Variants in STK39 observed in about 807,000 individuals in gnomAD.
The protein encoded by STK39 is STE20/SPS1-related proline-alanine-rich protein kinase.
Under a neutral mutation model 77.8 loss-of-function variants are expected in STK39, and 20 were observed. The ratio of observed to expected loss-of-function variants is 0.26; its 90% CI spans 0.18 to 0.37. The LOEUF (loss-of-function observed/expected upper bound fraction) is 0.37. Among genes scored for constraint, STK39 ranks in the 10% least tolerant of loss-of-function variants. The probability of loss-of-function intolerance (pLI) is 1.00; values close to 1 mark genes in which losing one functional copy is unlikely to be tolerated. For missense variants in STK39, 479 were observed against 656.5 expected (o/e 0.73, Z 2.95); for synonymous variants, 246 against 234.1 (o/e 1.05, Z -0.47).
intron 14 of STK39, among the ~76,000 whole-genome samples, chr2:168,027,247 G>C (rs1237783852): frequency 6.6e-6 from 1 of 151,992 alleles, no homozygotes; most frequent in African/African-American, 2.4e-5. Flanking sequence ...AGCCACCATG[G>C]GCCATATGCT....
At chr2:167,968,411 C>T (rs916381166) in intron 16 of STK39, among the ~76,000 whole-genome samples, 12 of 152,188 alleles carry the variant, frequency 7.9e-5, no homozygotes, top group African/African-American at 1.9e-4. Context: ...TTACAGTCTA[C>T]GTCTATATTC....
chr2:168,013,235 AT>A (rs565282303), intron 15 of STK39, among the ~76,000 whole-genome samples: 8 of 152,258 alleles, frequency 5.3e-5, no homozygotes, highest in Non-Finnish European at 1.0e-4. Flanking sequence ...GACACTGATC[AT>A]TTGATAGCAA....
intron 10 of STK39, among the ~76,000 whole-genome samples, chr2:168,122,099 G>A (rs1687422610): frequency 6.6e-6 from 1 of 152,164 alleles, no homozygotes; most frequent in South Asian, 2.1e-4. Context: ...ATTACGTGTT[G>A]TGGCGGTTTG....
intron 14 of STK39, among the ~76,000 whole-genome samples, chr2:168,042,831 G>A (rs1685143073): frequency 6.6e-6 from 1 of 152,030 alleles, no homozygotes; most frequent in Admixed American, 6.6e-5. Context: ...ACCCATCTTG[G>A]CCTCCCAAAG....
chr2:168,027,972 T>C lies in STK39; in HGVS notation c.1377-10877A>G, dbSNP rs116221176. ...GCAGAAATATAAATAACAGACTTCT[T>C]CCCTAGCTACGAAAAAGAGTTTTCA... On this transcript the variant is annotated intron_variant, in intron 14 of 17. Coordinates refer to ENST00000355999, the MANE Select transcript of STK39 (RefSeq NM_013233.3). Among the ~76,000 whole-genome samples, 1,353 of 152,286 alleles carry C rather than the reference T, an allele frequency of 8.9e-3. 19 individuals carry two copies. Among genetic ancestry groups the C allele is most frequent in the African/African-American group, 0.031 (1,294 of 41,566 alleles).
chr2:168,117,277 C>T (rs1017131638), intron 10 of STK39, among the ~76,000 whole-genome samples: 4 of 152,178 alleles, frequency 2.6e-5, no homozygotes, highest in Admixed American at 6.5e-5. Flanking sequence ...CTTAACTATT[C>T]TTCTTTAAAA....
chr2:168,151,260 A>G (rs941207012), intron 5 of STK39, among the ~76,000 whole-genome samples: 1 of 152,210 alleles, frequency 6.6e-6, no homozygotes, highest in Admixed American at 6.5e-5. Context: ...AGAAATCATA[A>G]GACAGTCCAT....
chr2:168,129,589 A>G lies in STK39; in HGVS notation c.1041T>C (p.Ile347=). The G allele has an allele frequency of 6.2e-7, 1 of 1,614,042 alleles. No homozygotes were observed. Among genetic ancestry groups the G allele is most frequent in the Non-Finnish European group, 8.5e-7 (1 of 1,179,928 alleles). The change falls in exon 10 of 18, where the codon ATT becomes ATC. Residue 347 remains isoleucine, a synonymous_variant. Coordinates refer to ENST00000355999, the MANE Select transcript of STK39 (RefSeq NM_013233.3). The part of the protein sequence containing the change: ...FQKAKNREYL[I]EKLLTRTPDI... The stretch of plus-strand genomic sequence containing the variant: ...CTGGTGTTCTTGTAAGCAGCTTCTC[A>G]ATCAGGTACTCTCTGTTCTGCAAAA...
intron 1 of STK39, among the ~76,000 whole-genome samples, chr2:168,207,302 C>A (rs572304080): frequency 6.6e-6 from 1 of 152,298 alleles, no homozygotes; most frequent in South Asian, 2.1e-4. Context: ...TACACACACC[C>A]TAACGAGGGA....
At chr2:168,126,513 A>T (rs1404920589) in intron 10 of STK39, among the ~76,000 whole-genome samples, 1 of 152,184 alleles carries the variant, frequency 6.6e-6, no homozygotes, top group South Asian at 2.1e-4. Flanking sequence ...AGTTTCCCAT[A>T]AGGATGATCA....
At position 168,140,679 on chromosome 2, in the gene STK39, T is replaced by A. The variant is rs1239715031; in HGVS notation, c.708A>T (p.Pro236=). 1.2e-6 allele frequency: 2 copies of A among 1,612,214 alleles called. No individual in the cohort carries two copies. The highest frequency in any genetic ancestry group is 1.7e-6 in the Non-Finnish European group (2 of 1,178,598). Residue 236 remains proline (P), a synonymous_variant, in exon 6 of 18, where the codon CCA becomes CCT. Coordinates refer to ENST00000355999, the MANE Select transcript of STK39 (RefSeq NM_013233.3). ...CCATGACTTCAGGAGCCATCCAACA[T>A]GGGGTGCCAACGAATGTTTTTCTTA... is the stretch of plus-strand genomic sequence containing the variant. ...NKVRKTFVGT[P]CWMAPEVMEQ...
At chr2:168,054,838 C>T (rs1015389440) in intron 14 of STK39, among the ~76,000 whole-genome samples, 1 of 151,968 alleles carries the variant, frequency 6.6e-6, no homozygotes, top group Non-Finnish European at 1.5e-5. Flanking sequence ...GGAACAAGCA[C>T]ACCAAAGATA....
At chr2:168,142,231 G>C (rs942122737) in intron 5 of STK39, among the ~76,000 whole-genome samples, 4 of 152,180 alleles carry the variant, frequency 2.6e-5, no homozygotes, top group African/African-American at 9.7e-5. Context: ...CATTCTCTTA[G>C]AGAAGAGTTA....
intron 1 of STK39, among the ~76,000 whole-genome samples, chr2:168,243,440 C>G (rs901824262): frequency 6.6e-6 from 1 of 152,176 alleles, no homozygotes; most frequent in Non-Finnish European, 1.5e-5. Flanking sequence ...TTCTAGAACT[C>G]AAATTCTTCG....
Position 168,123,889 on chromosome 2 carries a change from A to C in STK39, c.1089+5652T>G, listed in dbSNP as rs994583272. ...TTCCATCTCAAAAAAAAAAAAAAAA[A>C]AGTTAAAAACAAACAGGACAAGTTC... On this transcript the variant is annotated intron_variant, in intron 10 of 17. Transcript: ENST00000355999. Among the ~76,000 whole-genome samples the C allele has an allele frequency of 6.7e-5, 10 of 149,460 alleles. 1 individual carries two copies. In the South Asian group the frequency reaches 1.9e-3, roughly 29 times the overall value.
At chr2:167,964,620 T>C (rs1692095913) in intron 17 of STK39, 42 bp downstream of exon 17, 2 of 1,530,730 alleles carry the variant, frequency 1.3e-6, no homozygotes, top group Non-Finnish European at 1.8e-6. Flanking sequence ...TGGCACAGCA[T>C]GGCAAAATAT....
At chr2:167,959,222 G>A (rs867138764) in intron 17 of STK39, among the ~76,000 whole-genome samples, 5 of 151,844 alleles carry the variant, frequency 3.3e-5, no homozygotes, top group African/African-American at 9.7e-5. Flanking sequence ...GGGTTCAAGC[G>A]ATTCTCTTGC....
intron 10 of STK39, among the ~76,000 whole-genome samples, chr2:168,096,439 T>A (rs1686668776): frequency 6.6e-6 from 1 of 152,114 alleles, no homozygotes. Flanking sequence ...ATAAATGAGA[T>A]CATGTGGGTG....
chr2:168,099,311 T>C (rs868585973), intron 10 of STK39, among the ~76,000 whole-genome samples: 1 of 152,264 alleles, frequency 6.6e-6, no homozygotes, highest in Admixed American at 6.5e-5. Context: ...GAGTGTTTCT[T>C]AACATCTAGA....
Sources: allele counts gnomAD v4.1 joint callset (sites outside exome capture counted in the v4.1 genomes callset), GRCh38; gene constraint gnomAD v4.1.1; transcripts MANE v1.5; gene names NCBI Gene and HGNC (gene_info 2026-07-23, HGNC 2026-07-21).